The following SFMBT2 variants were observed in gnomAD, a reference collection of about 807,000 sequenced individuals.
SFMBT2 encodes the protein scm-like with four MBT domains protein 2.
SFMBT2 carries 38 observed loss-of-function variants against 110.1 expected under a neutral mutation model. The ratio of observed to expected loss-of-function variants is 0.35; its 90% confidence interval spans 0.27 to 0.45. SFMBT2 has a LOEUF of 0.45. Among genes scored for constraint, SFMBT2 ranks in the 20% least tolerant of loss-of-function variants. The pLI is 1.00. For synonymous variants in SFMBT2, 425 were observed against 425.4 expected (o/e 1.00, Z 0.01); for missense variants, 1,011 against 1,094.9 (o/e 0.92, Z 1.08).
In SFMBT2 at chr10:7,284,129, T is replaced by C. The variant is rs1588416781; in HGVS notation, c.547A>G (p.Ile183Val). ...LEGPLRGKGP[I>V]DLITVGSLIE... is the part of the protein sequence containing the mutation. ...AAGGAACCAACTGTAATGAGGTCTA[T>C]AGGGCCTTTCCCTCGCAGAGGCTGT... is the stretch of plus-strand genomic sequence containing the variant. Residue 183 changes from isoleucine (I) to valine (V), a missense_variant, in exon 6 of 21, where the codon ATA becomes GTA. Ile to Val is a conservative substitution (Grantham distance 29, BLOSUM62 3). Around this residue, in one of 2 missense-constraint regions of SFMBT2, gnomAD observed 979 missense variants for 1,016.1 expected, o/e 0.96. Transcript: ENST00000397167. The C allele has an allele frequency of 3.1e-6, 5 of 1,614,126 alleles. No homozygotes were observed. Among genetic ancestry groups the C allele is most frequent in the Non-Finnish European group, 3.4e-6 (4 of 1,180,000 alleles).
chr10:7,337,157 T>G (rs570269624), intron 4 of SFMBT2, among the ~76,000 whole-genome samples: 1 of 152,318 alleles, frequency 6.6e-6, no homozygotes, highest in East Asian at 1.9e-4. Context: ...AAACTGTGGT[T>G]TAGATGAAAG....
chr10:7,329,361 G>A (rs571843611), intron 4 of SFMBT2, among the ~76,000 whole-genome samples: 21 of 152,312 alleles, frequency 1.4e-4, no homozygotes, highest in African/African-American at 2.4e-4. Context: ...CTCACGAGCC[G>A]AGCTTAGGTA....
Position 7,367,956 on chromosome 10 carries a change from A to C in SFMBT2, c.196-67T>G. 1 of 1,551,940 alleles carries C rather than the reference A, an allele frequency of 6.4e-7. No individual in the cohort carries two copies. The highest frequency in any genetic ancestry group is 8.7e-7 in the Non-Finnish European group (1 of 1,149,942). On this transcript the variant is annotated intron_variant, in intron 3 of 20. Transcript: ENST00000397167. The surrounding 1 kb of genome is among the most constrained non-coding windows in gnomAD (Gnocchi z 6.2). ...ACACAATACATCCAGAAGATGACAAAAACCACTAAAAAATATGGCACTTAC... is the reference window on the plus strand; with the variant it reads ...ACACAATACATCCAGAAGATGACAACAACCACTAAAAAATATGGCACTTAC...
chr10:7,264,301 T>C (rs920832818), intron 7 of SFMBT2: 1 of 204,830 alleles, frequency 4.9e-6, no homozygotes, highest in African/African-American at 2.3e-5. Flanking sequence ...CTGCTAGTCC[T>C]TTATTTACGG....
At chr10:7,267,354 AC>A (rs1841425982) in intron 7 of SFMBT2, among the ~76,000 whole-genome samples, 2 of 152,172 alleles carry the variant, frequency 1.3e-5, no homozygotes, top group South Asian at 4.1e-4. Flanking sequence ...AAATTACCAA[AC>A]CTGGGGCAGA....
intron 9 of SFMBT2, among the ~76,000 whole-genome samples, chr10:7,230,612 C>T (rs1840089319): frequency 1.3e-5 from 2 of 152,314 alleles, no homozygotes; most frequent in South Asian, 4.1e-4. Context: ...CTGTGCCCCA[C>T]TTTCCTCATC....
intron 11 of SFMBT2, among the ~76,000 whole-genome samples, chr10:7,218,738 G>A (rs1839623922): frequency 6.6e-6 from 1 of 152,192 alleles, no homozygotes; most frequent in South Asian, 2.1e-4. Flanking sequence ...TGCCCAAAAT[G>A]TTAAATATAC....
rs1384075316 is a variant in SFMBT2, at chr10:7,198,156, T to G, written c.1559-469A>C. 5 of 984,994 alleles carry G rather than the reference T, an allele frequency of 5.1e-6. No individual in the cohort carries two copies. In the Admixed American group the frequency reaches 2.5e-4, roughly 48 times the overall value. The allele number at this position is 984,994 out of a possible 1,614,324, so 61.0% of individuals were successfully genotyped here. A position where few individuals can be genotyped will look rare whatever the true frequency, so the allele number is the denominator to read the frequency against. ...TGATATATTAAACATATTCCATAAA[T>G]TATTTCCTGCAAGATATTGTTTGTT... On this transcript the variant is annotated intron_variant, in intron 14 of 20. Transcript: ENST00000397167.
intron 17 of SFMBT2, among the ~76,000 whole-genome samples, chr10:7,175,013 C>G (rs1160741670): frequency 6.6e-6 from 1 of 152,232 alleles, no homozygotes; most frequent in Non-Finnish European, 1.5e-5. Flanking sequence ...GAAAGTCACA[C>G]TCTGCACAGC....
At chr10:7,363,176 T>C (rs935384778) in intron 4 of SFMBT2, among the ~76,000 whole-genome samples, 4 of 152,158 alleles carry the variant, frequency 2.6e-5, no homozygotes, top group Admixed American at 2.0e-4. Context: ...TCCCACGCTA[T>C]TCTCAGGATA....
intron 2 of SFMBT2, among the ~76,000 whole-genome samples, chr10:7,371,984 T>C (rs1339612746): frequency 7.6e-6 from 1 of 131,514 alleles, no homozygotes; most frequent in African/African-American, 2.9e-5. Flanking sequence ...TGGAGTGCAG[T>C]GGCGCGATCT....
intron 2 of SFMBT2, among the ~76,000 whole-genome samples, chr10:7,381,068 C>CAT (rs1845407040): frequency 6.8e-6 from 1 of 146,040 alleles, no homozygotes; most frequent in Non-Finnish European, 1.5e-5. Flanking sequence ...CACACACATA[C>CAT]ACACATACAT....
rs796789345 is a variant in SFMBT2 at position 7,177,509 on chromosome 10, TAATTA to T, written c.1809-1349_1809-1345del. On this transcript the variant is annotated intron_variant, in intron 16 of 20. Coordinates refer to ENST00000397167, the MANE Select transcript of SFMBT2 (RefSeq NM_001387889.1). ...ATTGAAGATGGGGCTTTCAATGAGGTAATTAAATTAAACGAGGTTATAAGGGTGGG... is the reference window on the plus strand; with the variant it reads ...ATTGAAGATGGGGCTTTCAATGAGGTAATTAAACGAGGTTATAAGGGTGGG... 6.6e-5 allele frequency among the ~76,000 whole-genome samples: 10 copies of T among 152,172 alleles called. No homozygotes were observed. The South Asian group carries it at 1.0e-3, about 16-fold the overall frequency.
At chr10:7,225,130 G>A (rs917109313) in intron 10 of SFMBT2, among the ~76,000 whole-genome samples, 18 of 152,170 alleles carry the variant, frequency 1.2e-4, no homozygotes, top group African/African-American at 2.2e-4. Context: ...CCCATCGGCC[G>A]CTTGAAAAAC....
intron 1 of SFMBT2, among the ~76,000 whole-genome samples, chr10:7,405,811 C>T: frequency 7.1e-6 from 1 of 140,178 alleles, no homozygotes; most frequent in East Asian, 2.3e-4. Flanking sequence ...CACCTACACA[C>T]TAGGCCCGAT....
Position 7,370,304 on chromosome 10 carries a change from C to A in SFMBT2, c.172G>T (p.Ala58Ser). The A allele has an allele frequency of 6.2e-7, 1 of 1,614,044 alleles. No individual in the cohort carries two copies. The highest frequency in any genetic ancestry group is 8.5e-7 in the Non-Finnish European group (1 of 1,179,916). ...ACGTGTTTGAATGATGTGTGGGGAG[C>A]AGCACTTGCTCCTGTCTCTTCCAAA... ...EYLEETGASA[A>S]PHTSFKHVEI... is the part of the protein sequence containing the mutation. The change falls in exon 3 of 21, where the codon GCT becomes TCT. Residue 58 changes from alanine (A) to serine (S), a missense_variant. Around this residue, in one of 2 missense-constraint regions of SFMBT2, gnomAD observed 979 missense variants for 1,016.1 expected, o/e 0.96. Coordinates refer to ENST00000397167, the MANE Select transcript of SFMBT2 (RefSeq NM_001387889.1).
rs79344078 is a variant in SFMBT2 at position 7,178,703 on chromosome 10, T to C, written c.1809-2538A>G. ...AAACCGCAGGTAATGAATTCACCAG[T>C]GTAAAACTGGCAACCAGAGCTACAA... On this transcript the variant is annotated intron_variant, in intron 16 of 20. Coordinates refer to ENST00000397167, the MANE Select transcript of SFMBT2 (RefSeq NM_001387889.1). Among the ~76,000 whole-genome samples, 1,376 of 152,294 alleles carry C rather than the reference T, an allele frequency of 9.0e-3. 18 individuals carry two copies. Among genetic ancestry groups the C allele is most frequent in the African/African-American group, 0.031 (1,301 of 41,558 alleles).
At chr10:7,304,073 G>C (rs1842628920) in intron 4 of SFMBT2, among the ~76,000 whole-genome samples, 1 of 152,208 alleles carries the variant, frequency 6.6e-6, no homozygotes, top group Non-Finnish European at 1.5e-5. Flanking sequence ...ACAGGGAGCA[G>C]AGAAACAGAA....
Position 7,243,664 on chromosome 10 carries a change from T to C in SFMBT2, c.1014A>G (p.Leu338=). ...NHFFQVTIDD[L]RPEPSKLSML... ...TTGACAGTTTACTTGGTTCAGGTCT[T>C]AGGTCATCAATAGTCACTTGAAAAA... Residue 338 remains leucine, a synonymous_variant, in exon 9 of 21, where the codon CTA becomes CTG. Transcript: ENST00000397167. 1 of 872,928 alleles carries C rather than the reference T, an allele frequency of 1.1e-6. No individual in the cohort carries two copies. Among genetic ancestry groups the C allele is most frequent in the South Asian group, 1.3e-5 (1 of 76,538 alleles). 54.1% of individuals were successfully genotyped at this position (872,928 alleles called of 1,614,324 possible).
Sources: gnomAD v4.1 joint callset for allele counts (sites outside exome capture counted in the v4.1 genomes callset) on GRCh38, gnomAD v4.1.1 for gene constraint, gnomAD v4.1.1 regional missense constraint, Gnocchi (gnomAD v3.1) non-coding constraint, MANE v1.5 for transcripts, NCBI Gene and HGNC (gene_info 2026-07-23, HGNC 2026-07-21) for gene names.